The following MAML2 variants were observed in gnomAD, a reference collection of about 807,000 sequenced individuals.
The protein encoded by MAML2 is mastermind-like protein 2.
A neutral mutation model predicts 96.1 loss-of-function variants in MAML2; 22 were observed. The observed-to-expected ratio is 0.23, with a 90% CI of 0.16 to 0.33. MAML2 has a LOEUF of 0.33. Ranked by LOEUF, MAML2 falls within the 10% of genes least tolerant of loss-of-function variation. The probability of loss-of-function intolerance (pLI) is 1.00; values close to 1 mark genes in which losing one functional copy is unlikely to be tolerated. For missense variants in MAML2, 1,367 were observed against 1,392.4 expected, an observed-to-expected ratio of 0.98 and a Z score of 0.29; for synonymous variants, 561 against 521.3, an observed-to-expected ratio of 1.08 and a Z score of -1.04.
At chr11:96,229,625 C>T (rs1346353152) in intron 1 of MAML2, among the ~76,000 whole-genome samples, 1 of 150,656 alleles carries the variant, frequency 6.6e-6, no homozygotes, top group East Asian at 1.9e-4. Context: ...GACTACATAT[C>T]GATTGATTCA....
In MAML2 at chr11:96,276,283, A is replaced by G. The variant is rs530180573; in HGVS notation, c.513+65100T>C. ...CACTTTACTGAGAGGAAGGCTATGC[A>G]CATTCACTCTTGCTGACTGATAACT... On this transcript the variant is annotated intron_variant, in intron 1 of 4. Coordinates refer to ENST00000524717, the MANE Select transcript of MAML2 (RefSeq NM_032427.4). Among the ~76,000 whole-genome samples, 5 of 152,316 alleles carry G rather than the reference A, an allele frequency of 3.3e-5. No individual in the cohort carries two copies. In the South Asian group the frequency reaches 8.3e-4, roughly 25 times the overall value.
intron 2 of MAML2, among the ~76,000 whole-genome samples, chr11:96,065,081 C>T (rs1049850846): frequency 3.9e-5 from 6 of 151,986 alleles, no homozygotes; most frequent in Admixed American, 6.6e-5. Context: ...ATAGCTTTTC[C>T]CCAGAACCTA....
chr11:96,073,566 T>A (rs1426232752), intron 2 of MAML2, among the ~76,000 whole-genome samples: 1 of 152,104 alleles, frequency 6.6e-6, no homozygotes, highest in Non-Finnish European at 1.5e-5. Context: ...ATGATCCACC[T>A]GCCTCTGCCT....
intron 1 of MAML2, among the ~76,000 whole-genome samples, chr11:96,176,480 G>A (rs1222930110): frequency 6.6e-6 from 1 of 152,156 alleles, no homozygotes; most frequent in Non-Finnish European, 1.5e-5. Context: ...GAGAGCTAAG[G>A]TACCCTGGAT....
intron 1 of MAML2, among the ~76,000 whole-genome samples, chr11:96,177,675 A>G (rs938506116): frequency 6.6e-6 from 1 of 152,188 alleles, no homozygotes; most frequent in African/African-American, 2.4e-5. Context: ...ATTTTCAAAT[A>G]CCTTTGTGTC....
chr11:96,194,371 C>A (rs764954400), intron 1 of MAML2, among the ~76,000 whole-genome samples: 67 of 152,278 alleles, frequency 4.4e-4, no homozygotes, highest in Middle Eastern at 3.4e-3. Flanking sequence ...GTTTAGAGAA[C>A]TCTCCAGATA....
At chr11:96,127,727 C>T (rs1860471813) in intron 1 of MAML2, among the ~76,000 whole-genome samples, 1 of 152,198 alleles carries the variant, frequency 6.6e-6, no homozygotes, top group Admixed American at 6.5e-5. Flanking sequence ...TCCAGCCCAT[C>T]ATTAACAGCT....
At chr11:96,135,075 T>G (rs143726537) in intron 1 of MAML2, among the ~76,000 whole-genome samples, 1 of 152,340 alleles carries the variant, frequency 6.6e-6, no homozygotes, top group East Asian at 1.9e-4. Flanking sequence ...CCAAAGCAAG[T>G]GTTGAGAGGT....
At position 96,092,874 on chromosome 11, in the gene MAML2, G is replaced by A. The variant is rs745603031; in HGVS notation, c.1157C>T (p.Ser386Leu). ...PSGSPQLRPP[S>L]AGPAFSMANS... ...GGCCATGGAGAATGCGGGGCCAGCT[G>A]ATGGGGGCCTCAGCTGAGGAGAGCC... The change falls in exon 2 of 5, where the codon TCA (serine) becomes TTA (leucine). Residue 386 changes from serine (S) to leucine (L), a missense_variant. Coordinates refer to ENST00000524717, the MANE Select transcript of MAML2 (RefSeq NM_032427.4). This position sits in a 1 kb window ranked among gnomAD's most constrained non-coding sequence, Gnocchi z 4.1. The A allele has an allele frequency of 3.7e-6, 6 of 1,605,950 alleles. No homozygotes were observed. In the East Asian group the frequency reaches 1.3e-4, roughly 36 times the overall value.
intron 2 of MAML2, among the ~76,000 whole-genome samples, chr11:96,074,298 A>T (rs936461399): frequency 6.6e-6 from 1 of 152,210 alleles, no homozygotes; most frequent in African/African-American, 2.4e-5. Flanking sequence ...AGATTCTCAA[A>T]ATACAGCAGG....
At chr11:96,292,084 G>A (rs75950408) in intron 1 of MAML2, among the ~76,000 whole-genome samples, 86 of 152,280 alleles carry the variant, frequency 5.6e-4, no homozygotes, top group African/African-American at 2.1e-3. Context: ...TTTCCTGCAC[G>A]TTATTGTCAT....
At chr11:96,187,903 C>T (rs1861596903) in intron 1 of MAML2, among the ~76,000 whole-genome samples, 1 of 152,216 alleles carries the variant, frequency 6.6e-6, no homozygotes, top group Non-Finnish European at 1.5e-5. Flanking sequence ...CTAAGCACTC[C>T]AGAAGAGGTG....
At chr11:96,161,835 C>T (rs1035473737) in intron 1 of MAML2, among the ~76,000 whole-genome samples, 2 of 152,130 alleles carry the variant, frequency 1.3e-5, no homozygotes, top group Admixed American at 1.3e-4. Flanking sequence ...AGGAACTGGA[C>T]GATGAGTTTT....
At chr11:96,161,451 T>C (rs1861101871) in intron 1 of MAML2, among the ~76,000 whole-genome samples, 1 of 152,198 alleles carries the variant, frequency 6.6e-6, no homozygotes, top group South Asian at 2.1e-4. Flanking sequence ...TTTTACCCTG[T>C]AAAACGGACA....
intron 1 of MAML2, among the ~76,000 whole-genome samples, chr11:96,131,117 G>A (rs1860542044): frequency 2.0e-5 from 3 of 151,972 alleles, no homozygotes; most frequent in East Asian, 1.9e-4. Flanking sequence ...GGGAGAATGG[G>A]TAAAATATCA....
At chr11:96,025,179 A>G (rs1031118906) in intron 2 of MAML2, among the ~76,000 whole-genome samples, 16 of 152,218 alleles carry the variant, frequency 1.1e-4, no homozygotes, top group Admixed American at 3.9e-4. Context: ...TTGGATAAAG[A>G]AAATGTGGCA....
intron 2 of MAML2, among the ~76,000 whole-genome samples, chr11:96,051,880 A>G (rs1184591815): frequency 6.6e-6 from 1 of 152,236 alleles, no homozygotes; most frequent in East Asian, 1.9e-4. Context: ...CAACTTGACC[A>G]GCTTCCTTGT....
At chr11:96,047,352 T>A (rs1301458676) in intron 2 of MAML2, among the ~76,000 whole-genome samples, 1 of 152,238 alleles carries the variant, frequency 6.6e-6, no homozygotes, top group Non-Finnish European at 1.5e-5. Context: ...CAAATCCTTG[T>A]TCTGTCATTT....
At chr11:96,129,441 ATTTGCAAACCACTG>A (rs959963625) in intron 1 of MAML2, among the ~76,000 whole-genome samples, 1 of 152,130 alleles carries the variant, frequency 6.6e-6, no homozygotes, top group Non-Finnish European at 1.5e-5. Flanking sequence ...AGGAACCACA[ATTTGCAAACCACTG>A]TTCTAGATCA....
Sources: allele counts gnomAD v4.1 joint callset (sites outside exome capture counted in the v4.1 genomes callset), GRCh38; gene constraint gnomAD v4.1.1; non-coding constraint Gnocchi (gnomAD v3.1); transcripts MANE v1.5; gene names NCBI Gene and HGNC (gene_info 2026-07-23, HGNC 2026-07-21).